The following UHRF2 variants were observed in gnomAD, a reference collection of about 807,000 sequenced individuals.
UHRF2 encodes ubiquitin like with PHD and ring finger domains 2.
Under a neutral mutation model 96.8 loss-of-function variants are expected in UHRF2, and 23 were observed. The observed-to-expected ratio is 0.24, with a 90% CI of 0.17 to 0.34. The LOEUF is 0.34. UHRF2 is among the 10% of genes least tolerant of loss of function. The pLI is 1.00. For synonymous variants in UHRF2, 385 were observed against 332.6 expected (o/e 1.16, Z -1.72); for missense variants, 685 against 981.5 (o/e 0.70, Z 4.04).
At chr9:6,504,379 T>G in intron 14 of UHRF2, 1 of 356,854 alleles carries the variant, frequency 2.8e-6, no homozygotes. Flanking sequence ...AAATAATAGA[T>G]GGATATATTT....
intron 6 of UHRF2, among the ~76,000 whole-genome samples, chr9:6,478,587 T>G (rs991026872): frequency 1.3e-5 from 2 of 152,214 alleles, no homozygotes; most frequent in Admixed American, 6.5e-5. Context: ...GAAAAATGTT[T>G]CCAAAGTTGA....
At chr9:6,466,596 G>C (rs996440420) in intron 4 of UHRF2, among the ~76,000 whole-genome samples, 4 of 148,688 alleles carry the variant, frequency 2.7e-5, no homozygotes, top group Non-Finnish European at 5.9e-5. Flanking sequence ...TTTAGGTTCA[G>C]TGTCATTTTT....
intron 3 of UHRF2, among the ~76,000 whole-genome samples, chr9:6,459,634 A>C (rs951501930): frequency 2.6e-5 from 4 of 152,172 alleles, no homozygotes; most frequent in Non-Finnish European, 4.4e-5. Context: ...ACACCACTGC[A>C]CTCCAGCCTG....
intron 12 of UHRF2, 59 bp from the exon 13 acceptor site, chr9:6,499,775 AC>A (rs1563809633): frequency 1.7e-5 from 14 of 842,096 alleles, no homozygotes; most frequent in African/African-American, 9.2e-5. Flanking sequence ...CAGGATCTAA[AC>A]CCCCCTTCTC....
chr9:6,439,045 T>G (rs550558506), intron 3 of UHRF2, among the ~76,000 whole-genome samples: 61 of 152,346 alleles, frequency 4.0e-4, no homozygotes, highest in African/African-American at 1.4e-3. Context: ...CCACTATTCC[T>G]TCAAAAATTA....
intron 4 of UHRF2, among the ~76,000 whole-genome samples, chr9:6,462,535 T>C (rs1822607923): frequency 6.6e-6 from 1 of 152,312 alleles, no homozygotes; most frequent in South Asian, 2.1e-4. Context: ...AGGAGCCTTT[T>C]AACCTACTTG....
intron 3 of UHRF2, among the ~76,000 whole-genome samples, chr9:6,452,615 C>T (rs945199515): frequency 6.6e-6 from 1 of 152,212 alleles, no homozygotes; most frequent in Non-Finnish European, 1.5e-5. Context: ...TTACATTAAA[C>T]AGTCATTAAC....
chr9:6,448,993 C>A (rs1022712700), intron 3 of UHRF2, among the ~76,000 whole-genome samples: 7 of 152,214 alleles, frequency 4.6e-5, no homozygotes, highest in African/African-American at 1.4e-4. Flanking sequence ...CTTTAACCAT[C>A]ATCAACTCAT....
chr9:6,492,215 A>T, intron 9 of UHRF2: 1 of 444,746 alleles, frequency 2.2e-6, no homozygotes, highest in Non-Finnish European at 3.6e-6. Flanking sequence ...GAAATGTTTT[A>T]AATACTATTT....
At position 6,458,278 on chromosome 9, in the gene UHRF2, T is replaced by C. The variant is rs370744747; in HGVS notation, c.645-2295T>C. 2.6e-5 allele frequency among the ~76,000 whole-genome samples: 4 copies of C among 152,304 alleles called. No individual in the cohort carries two copies. In the East Asian group the frequency reaches 5.8e-4, roughly 22 times the overall value. On this transcript the variant is annotated intron_variant, in intron 3 of 15. Transcript: ENST00000276893. ...ATTTATACATTTCTTCTAGATTTTCTAGTTTATTTGTGTAGTATTCTCTGA... is the reference window on the plus strand; with the variant it reads ...ATTTATACATTTCTTCTAGATTTTCCAGTTTATTTGTGTAGTATTCTCTGA...
chr9:6,481,107 G>T (rs530760959), intron 6 of UHRF2, among the ~76,000 whole-genome samples: 48 of 152,228 alleles, frequency 3.2e-4, no homozygotes, highest in Middle Eastern at 3.4e-3. Flanking sequence ...TTACAGTAGG[G>T]TAATCAATTA....
intron 2 of UHRF2, among the ~76,000 whole-genome samples, chr9:6,431,122 C>A (rs978693830): frequency 1.3e-5 from 2 of 152,174 alleles, no homozygotes; most frequent in African/African-American, 4.8e-5. Flanking sequence ...AAAATCCAGG[C>A]TTTATAACAC....
At chr9:6,467,050 A>G (rs925519845) in intron 4 of UHRF2, among the ~76,000 whole-genome samples, 2 of 152,216 alleles carry the variant, frequency 1.3e-5, no homozygotes, top group African/African-American at 2.4e-5. Flanking sequence ...TACCACAAAC[A>G]TAGTAGCTTA....
intron 2 of UHRF2, among the ~76,000 whole-genome samples, chr9:6,430,129 G>C (rs1820484950): frequency 6.6e-6 from 1 of 152,180 alleles, no homozygotes; most frequent in Non-Finnish European, 1.5e-5. Context: ...TCCTGCCTCA[G>C]CCTCCCAAGT....
At chr9:6,427,781 T>G (rs1820342726) in intron 2 of UHRF2, among the ~76,000 whole-genome samples, 1 of 152,208 alleles carries the variant, frequency 6.6e-6, no homozygotes, top group African/African-American at 2.4e-5. Context: ...TTCAGATATT[T>G]TCATATGTTA....
At chr9:6,494,039 A>G in intron 10 of UHRF2, 107 bp downstream of exon 10, 2 of 936,120 alleles carry the variant, frequency 2.1e-6, no homozygotes, top group East Asian at 2.7e-5. Context: ...CTGGGAGTTA[A>G]AGATCTGAAA....
chr9:6,454,380 C>T (rs1219060807), intron 3 of UHRF2, among the ~76,000 whole-genome samples: 3 of 152,166 alleles, frequency 2.0e-5, no homozygotes, highest in Non-Finnish European at 4.4e-5. Flanking sequence ...TTGAGGCTGG[C>T]AGGGACATTT....
chr9:6,420,060 CT>C lies in UHRF2; in HGVS notation c.154-841del, dbSNP rs915008947. On this transcript the variant is annotated intron_variant, in intron 1 of 15. Coordinates refer to ENST00000276893, the MANE Select transcript of UHRF2 (RefSeq NM_152896.3). ...CCCGGAGCCCAGCCTCCCCCGCCACCTTTTTTTTTTTCTTTTTTGACAGTCT... is the reference window on the plus strand; with the variant it reads ...CCCGGAGCCCAGCCTCCCCCGCCACCTTTTTTTTTTCTTTTTTGACAGTCT... 1.3e-3 allele frequency among the ~76,000 whole-genome samples: 193 copies of C among 145,198 alleles called. 1 individual carries two copies. The highest frequency in any genetic ancestry group is 1.8e-3 in the Non-Finnish European group (116 of 65,628).
intron 3 of UHRF2, among the ~76,000 whole-genome samples, chr9:6,451,887 C>T (rs913249996): frequency 7.2e-5 from 11 of 151,988 alleles, no homozygotes; most frequent in African/African-American, 1.9e-4. Context: ...TGGGTTCAAG[C>T]GATTCTCCTG....
Sources: allele counts gnomAD v4.1 joint callset (sites outside exome capture counted in the v4.1 genomes callset), GRCh38; gene constraint gnomAD v4.1.1; transcripts MANE v1.5; gene names NCBI Gene and HGNC (gene_info 2026-07-23, HGNC 2026-07-21).